The following NKAIN1 variants were observed in gnomAD, a reference collection of about 807,000 sequenced individuals.
NKAIN1 encodes the protein sodium/potassium-transporting ATPase subunit beta-1-interacting protein 1.
NKAIN1 carries 13 observed loss-of-function variants against 31.6 expected under a neutral mutation model. That is an observed-to-expected ratio of 0.41 (90% CI 0.27 to 0.65). The LOEUF (loss-of-function observed/expected upper bound fraction) is 0.65. Ranked by LOEUF, NKAIN1 falls within the 30% of genes least tolerant of loss-of-function variation. The pLI is 0.30. For missense variants in NKAIN1, 193 were observed against 262.2 expected (o/e 0.74, Z 1.82); for synonymous variants, 104 against 109.0 (o/e 0.95, Z 0.28).
intron 1 of NKAIN1, among the ~76,000 whole-genome samples, chr1:31,226,893 G>T (rs570887470): frequency 3.0e-4 from 46 of 152,008 alleles, no homozygotes; most frequent in African/African-American, 1.0e-3. Flanking sequence ...TTGCAATCTC[G>T]TCTCACTGCA....
chr1:31,226,084 T>G (rs190708396), intron 1 of NKAIN1, among the ~76,000 whole-genome samples: 56 of 152,342 alleles, frequency 3.7e-4, no homozygotes, highest in Non-Finnish European at 6.6e-4. Context: ...CACATAGTGC[T>G]TGATAAGTGG....
intron 1 of NKAIN1, among the ~76,000 whole-genome samples, chr1:31,198,317 G>C (rs1645346974): frequency 6.6e-6 from 1 of 152,100 alleles, no homozygotes; most frequent in Admixed American, 6.6e-5. Flanking sequence ...CCAAGCTTCA[G>C]TGACTACCTG....
intron 1 of NKAIN1, among the ~76,000 whole-genome samples, chr1:31,226,629 ATTCTCCTGC>A (rs1645610057): frequency 6.6e-6 from 1 of 151,412 alleles, no homozygotes; most frequent in Non-Finnish European, 1.5e-5. Flanking sequence ...GGTTCAAGCA[ATTCTCCTGC>A]CTCGGCCTCT....
intron 1 of NKAIN1, among the ~76,000 whole-genome samples, chr1:31,192,351 T>C (rs548657416): frequency 1.3e-5 from 2 of 152,318 alleles, no homozygotes; most frequent in South Asian, 4.1e-4. Flanking sequence ...ACTTATTTAT[T>C]CACAGAACGT....
chr1:31,197,267 A>T (rs1287200507), intron 1 of NKAIN1, among the ~76,000 whole-genome samples: 1 of 151,594 alleles, frequency 6.6e-6, no homozygotes, highest in Admixed American at 6.6e-5. Flanking sequence ...ACCCACCAGC[A>T]CGCCCGGCTA....
At chr1:31,234,733 T>A (rs984310545) in intron 1 of NKAIN1, among the ~76,000 whole-genome samples, 1 of 152,080 alleles carries the variant, frequency 6.6e-6, no homozygotes, top group African/African-American at 2.4e-5. Flanking sequence ...CATGAGGCTA[T>A]CGAAATATGA....
In NKAIN1 at chr1:31,233,164, G is replaced by A. The variant is rs1363623358; in HGVS notation, c.54+6330C>T. ...GCGGTTTCACCACATTGGCCAGGCT[G>A]GTTTCGAACTCCTGATCTCAAGTGA... On this transcript the variant is annotated intron_variant, in intron 1 of 6. Coordinates refer to ENST00000373736, the MANE Select transcript of NKAIN1 (RefSeq NM_024522.3). This position sits in a 1 kb window ranked among gnomAD's most constrained non-coding sequence, Gnocchi z 4.0. Among the ~76,000 whole-genome samples the A allele has an allele frequency of 6.6e-6, 1 of 152,136 alleles. No individual in the cohort carries two copies. Among genetic ancestry groups the A allele is most frequent in the Non-Finnish European group, 1.5e-5 (1 of 68,038 alleles).
At chr1:31,190,659 T>A (rs972876278) in intron 1 of NKAIN1, among the ~76,000 whole-genome samples, 1 of 152,184 alleles carries the variant, frequency 6.6e-6, no homozygotes, top group Non-Finnish European at 1.5e-5. Flanking sequence ...TCCTCTTCCA[T>A]GCATGGAAGT....
At chr1:31,183,480 C>CTTTTT (rs1260915859) in intron 4 of NKAIN1, among the ~76,000 whole-genome samples, 1 of 114,094 alleles carries the variant, frequency 8.8e-6, no homozygotes, top group African/African-American at 4.2e-5. Flanking sequence ...TGGAGTTTCG[C>CTTTTT]TCTTGTTGCC....
At position 31,239,450 on chromosome 1, in the gene NKAIN1, C is replaced by A. The variant is rs1300280078; in HGVS notation, c.54+44G>T. ...CCGCACGCCCTGGGACCGCGCCCCG[C>A]CGCGCCCCACCCTGCCCCGACTGCC... On this transcript the variant is annotated intron_variant, in intron 1 of 6. Transcript: ENST00000373736. The surrounding 1 kb of genome is among the most constrained non-coding windows in gnomAD (Gnocchi z 4.8). 1 of 1,417,100 alleles carries A rather than the reference C, an allele frequency of 7.1e-7. No homozygotes were observed. The highest frequency in any genetic ancestry group is 1.4e-5 in the South Asian group (1 of 71,152). 87.8% of individuals were successfully genotyped at this position (1,417,100 alleles called of 1,614,324 possible).
intron 1 of NKAIN1, among the ~76,000 whole-genome samples, chr1:31,199,224 G>C (rs1008304213): frequency 6.6e-6 from 1 of 152,184 alleles, no homozygotes; most frequent in African/African-American, 2.4e-5. Context: ...GGAGGCCTGA[G>C]TTCCAGCCCC....
intron 1 of NKAIN1, among the ~76,000 whole-genome samples, chr1:31,235,921 T>C (rs1045767283): frequency 4.6e-5 from 7 of 152,142 alleles, no homozygotes; most frequent in Non-Finnish European, 1.0e-4. Flanking sequence ...GTCACCTGGA[T>C]ATGTTTGGGC....
intron 1 of NKAIN1, among the ~76,000 whole-genome samples, chr1:31,210,098 C>T (rs1207474944): frequency 6.6e-6 from 1 of 151,880 alleles, no homozygotes; most frequent in Non-Finnish European, 1.5e-5. Context: ...CTCCTTAGTT[C>T]ACGCCCACCA....
intron 1 of NKAIN1, among the ~76,000 whole-genome samples, chr1:31,237,889 C>T (rs6681223): frequency 6.6e-6 from 1 of 151,844 alleles, no homozygotes; most frequent in Admixed American, 6.6e-5. Context: ...TTAAAAAAAA[C>T]CCCTAGTTTA....
intron 1 of NKAIN1, among the ~76,000 whole-genome samples, chr1:31,229,384 A>G (rs544046139): frequency 6.6e-6 from 1 of 151,910 alleles, no homozygotes. Flanking sequence ...CTACATGGGC[A>G]TCTGGGGTGG....
At chr1:31,202,546 G>A (rs570636634) in intron 1 of NKAIN1, among the ~76,000 whole-genome samples, 9 of 151,428 alleles carry the variant, frequency 5.9e-5, no homozygotes, top group African/African-American at 2.2e-4. Flanking sequence ...GTGTGGTGGT[G>A]GGCACCTGTA....
In NKAIN1 at chr1:31,239,690, T is replaced by A. The variant is rs1249306772; in HGVS notation, c.-143A>T. On this transcript the variant is annotated 5_prime_UTR_variant, in exon 1 of 7. Coordinates refer to ENST00000373736, the MANE Select transcript of NKAIN1 (RefSeq NM_024522.3). The surrounding 1 kb of genome is among the most constrained non-coding windows in gnomAD (Gnocchi z 4.8). ...GGGCGCCTAGGGCCGGGCCCGGGAG[T>A]GTCCGGTCCCCAAGGCTGGGGCCGG... 4.7e-6 allele frequency: 1 copy of A among 211,306 alleles called. No individual in the cohort carries two copies. The highest frequency in any genetic ancestry group is 8.1e-6 in the Non-Finnish European group (1 of 124,134). 13.1% of individuals were successfully genotyped at this position (211,306 alleles called of 1,614,324 possible).
rs76747299 is a variant in NKAIN1 at position 31,191,348 on chromosome 1, C to T, written c.55-3161G>A. On this transcript the variant is annotated intron_variant, in intron 1 of 6. Transcript: ENST00000373736. ...TATCATCTCCAGCCAAAGTGGTACC[C>T]ACTCAAACCCCCTCTGTTCTCTGTG... Among the ~76,000 whole-genome samples the T allele has an allele frequency of 9.7e-3, 1,457 of 149,860 alleles. 37 individuals carry two copies. In the East Asian group the frequency reaches 0.1, roughly 11 times the overall value.
At chr1:31,234,633 T>C (rs1009535396) in intron 1 of NKAIN1, among the ~76,000 whole-genome samples, 2 of 152,156 alleles carry the variant, frequency 1.3e-5, no homozygotes, top group Non-Finnish European at 2.9e-5. Context: ...AGTGAATGCG[T>C]GTGTCCAAGG....
Sources: allele counts gnomAD v4.1 joint callset (sites outside exome capture counted in the v4.1 genomes callset), GRCh38; gene constraint gnomAD v4.1.1; non-coding constraint Gnocchi (gnomAD v3.1); transcripts MANE v1.5; gene names NCBI Gene and HGNC (gene_info 2026-07-23, HGNC 2026-07-21).